The following PDE10A variants were observed in gnomAD, a reference collection of about 807,000 sequenced individuals.
PDE10A encodes the protein cAMP and cAMP-inhibited cGMP 3',5'-cyclic phosphodiesterase 10A.
In PDE10A, 39 loss-of-function variants were observed where a neutral mutation model predicts 97.7. The observed-to-expected ratio is 0.40, with a 90% CI of 0.31 to 0.52. The LOEUF is 0.52. Among genes scored for constraint, PDE10A ranks in the 20% least tolerant of loss-of-function variants. The pLI is 0.56. For missense variants in PDE10A, 731 were observed against 1,047.8 expected, an observed-to-expected ratio of 0.70 and a Z score of 4.17; for synonymous variants, 371 against 376.8, an observed-to-expected ratio of 0.98 and a Z score of 0.18.
Position 165,661,914 on chromosome 6 carries a change from C to T in PDE10A, c.865+33G>A. On this transcript the variant is annotated intron_variant, in intron 1 of 21. Coordinates refer to ENST00000539869, the MANE Select transcript of PDE10A (RefSeq NM_001385079.1). This position sits in a 1 kb window ranked among gnomAD's most constrained non-coding sequence, Gnocchi z 4.8. ...TGCCCCCAGGGGATGAGGAGCCGCC[C>T]CACCTCCGGGGAACGGGGAGCAGGC... is the stretch of plus-strand genomic sequence containing the variant. 1 of 835,120 alleles carries T rather than the reference C, an allele frequency of 1.2e-6. No individual in the cohort carries two copies. The highest frequency in any genetic ancestry group is 2.9e-5 in the East Asian group (1 of 34,634). The allele number at this position is 835,120 out of a possible 1,614,324, so 51.7% of individuals were successfully genotyped here.
intron 1 of PDE10A, among the ~76,000 whole-genome samples, chr6:165,608,063 T>C (rs1018686332): frequency 2.7e-5 from 4 of 146,774 alleles, no homozygotes; most frequent in African/African-American, 1.0e-4. Flanking sequence ...TATATATATG[T>C]ATATATATAT....
chr6:165,944,277 G>T (rs899113706), intron 1 of PDE10A, among the ~76,000 whole-genome samples: 1 of 152,180 alleles, frequency 6.6e-6, no homozygotes, highest in Non-Finnish European at 1.5e-5. Context: ...GATGAGATTT[G>T]GGTGGGGACA....
At chr6:165,796,895 G>T (rs1460982335) in intron 1 of PDE10A, among the ~76,000 whole-genome samples, 1 of 152,090 alleles carries the variant, frequency 6.6e-6, no homozygotes, top group Non-Finnish European at 1.5e-5. Context: ...CCACTTTCTG[G>T]ATTTACTGAT....
At chr6:165,618,954 G>GTAGA (rs1251948041) in intron 1 of PDE10A, among the ~76,000 whole-genome samples, 6 of 136,570 alleles carry the variant, frequency 4.4e-5, no homozygotes, top group Non-Finnish European at 7.6e-5. Context: ...CTAGTGTAGT[G>GTAGA]CAGTGTAGAC....
chr6:165,415,809 G>A (rs1788270368), intron 12 of PDE10A, among the ~76,000 whole-genome samples: 1 of 152,128 alleles, frequency 6.6e-6, no homozygotes. Flanking sequence ...CATCTCAAAA[G>A]CATGCAAATT....
chr6:165,726,310 T>A (rs949630789), intron 1 of PDE10A, among the ~76,000 whole-genome samples: 3 of 152,092 alleles, frequency 2.0e-5, no homozygotes, highest in Non-Finnish European at 4.4e-5. Context: ...TTACAGAAAT[T>A]GGGAAGTATT....
chr6:165,601,687 T>C lies in PDE10A; in HGVS notation c.866-58119A>G, dbSNP rs148311227. Among the ~76,000 whole-genome samples, 5 of 152,366 alleles carry C rather than the reference T, an allele frequency of 3.3e-5. No homozygotes were observed. The East Asian group carries it at 7.7e-4, about 23-fold the overall frequency. On this transcript the variant is annotated intron_variant, in intron 1 of 21. Coordinates refer to ENST00000539869, the MANE Select transcript of PDE10A (RefSeq NM_001385079.1). ...TACTTAGTGTTTCTCGAAATTCACA[T>C]AGATTAGTCAGGGAGGTTCTCTTCT...
At chr6:165,881,047 G>A (rs912151885) in intron 1 of PDE10A, among the ~76,000 whole-genome samples, 1 of 152,052 alleles carries the variant, frequency 6.6e-6, no homozygotes, top group African/African-American at 2.4e-5. Context: ...CACAAACCAC[G>A]TTTTTGAACA....
At chr6:165,982,538 C>T (rs1785051832) in intron 1 of PDE10A, among the ~76,000 whole-genome samples, 1 of 152,080 alleles carries the variant, frequency 6.6e-6, no homozygotes, top group Non-Finnish European at 1.5e-5. Context: ...GCTACAGGTA[C>T]TAAGAGAACA....
intron 3 of PDE10A, among the ~76,000 whole-genome samples, chr6:165,461,223 TCTC>T (rs1439442286): frequency 6.6e-6 from 1 of 152,222 alleles, no homozygotes; most frequent in Non-Finnish European, 1.5e-5. Flanking sequence ...AGGACTGCCT[TCTC>T]CTGCTACAAT....
At chr6:165,910,345 C>G (rs971532969) in intron 1 of PDE10A, among the ~76,000 whole-genome samples, 2 of 152,190 alleles carry the variant, frequency 1.3e-5, no homozygotes, top group African/African-American at 4.8e-5. Flanking sequence ...CAACTCCCTC[C>G]CTGACGAACA....
chr6:165,850,076 G>A (rs62425083), intron 1 of PDE10A, among the ~76,000 whole-genome samples: 2 of 152,090 alleles, frequency 1.3e-5, no homozygotes, highest in African/African-American at 2.4e-5. Context: ...AGAGATACAC[G>A]AGCATCAAAA....
At chr6:165,620,788 C>A (rs193077717) in intron 1 of PDE10A, among the ~76,000 whole-genome samples, 18 of 152,108 alleles carry the variant, frequency 1.2e-4, no homozygotes, top group Admixed American at 1.1e-3. Flanking sequence ...TTTGGGAGGT[C>A]GAGGCGGGTG....
chr6:165,881,089 T>C (rs1039198640), intron 1 of PDE10A, among the ~76,000 whole-genome samples: 8 of 152,224 alleles, frequency 5.3e-5, no homozygotes, highest in African/African-American at 1.9e-4. Context: ...AACCAGACTT[T>C]GAAAAGACTG....
intron 1 of PDE10A, among the ~76,000 whole-genome samples, chr6:165,703,632 C>T (rs9457111): frequency 0.49 from 73,807 of 152,118 alleles, 18,525 homozygotes; most frequent in Non-Finnish European, 0.56. Flanking sequence ...TAAGAACCTA[C>T]ACATTTGAAT....
chr6:165,383,462 G>A (rs925685874), intron 17 of PDE10A, among the ~76,000 whole-genome samples: 6 of 152,112 alleles, frequency 3.9e-5, no homozygotes, highest in African/African-American at 1.4e-4. Context: ...CTCACATGAA[G>A]GCATTCTGCT....
intron 5 of PDE10A, among the ~76,000 whole-genome samples, chr6:165,444,895 C>A (rs188456594): frequency 9.3e-4 from 141 of 152,108 alleles, no homozygotes; most frequent in Middle Eastern, 3.4e-3. Context: ...CTGTATAATT[C>A]TTTCTTTTTT....
At chr6:165,683,433 C>T (rs1163526454) in intron 1 of PDE10A, among the ~76,000 whole-genome samples, 5 of 152,100 alleles carry the variant, frequency 3.3e-5, no homozygotes, top group African/African-American at 7.2e-5. Context: ...CACACACACA[C>T]GCGCTCACAC....
chr6:165,959,982 G>A (rs1448639560), intron 1 of PDE10A, among the ~76,000 whole-genome samples: 1 of 152,126 alleles, frequency 6.6e-6, no homozygotes, highest in Non-Finnish European at 1.5e-5. Flanking sequence ...GCCACAGCAA[G>A]GGACAATCCA....
Sources: allele counts gnomAD v4.1 joint callset (sites outside exome capture counted in the v4.1 genomes callset), GRCh38; gene constraint gnomAD v4.1.1; non-coding constraint Gnocchi (gnomAD v3.1); transcripts MANE v1.5; gene names NCBI Gene and HGNC (gene_info 2026-07-23, HGNC 2026-07-21).